RELN: variants seen among roughly 807,000 people sequenced by gnomAD.
RELN encodes the protein reelin.
Under a neutral mutation model 427.6 loss-of-function variants are expected in RELN, and 108 were observed. The observed-to-expected ratio is 0.25, with a 90% CI of 0.22 to 0.30. The LOEUF is 0.30. RELN is among the 10% of genes least tolerant of loss of function. The probability of loss-of-function intolerance (pLI) is 1.00; values close to 1 mark genes in which losing one functional copy is unlikely to be tolerated. For synonymous variants in RELN, 1,524 were observed against 1,513.4 expected (o/e 1.01, Z -0.16); for missense variants, 3,715 against 4,302.8 (o/e 0.86, Z 3.82).
intron 3 of RELN, among the ~76,000 whole-genome samples, chr7:103,798,143 A>C (rs369774489): frequency 6.6e-5 from 10 of 152,190 alleles, no homozygotes; most frequent in Non-Finnish European, 1.3e-4. Context: ...GCCTTTGCCA[A>C]ATAAATTCTG....
intron 2 of RELN, among the ~76,000 whole-genome samples, chr7:103,867,100 G>C (rs1794218219): frequency 6.6e-6 from 1 of 152,042 alleles, no homozygotes; most frequent in Non-Finnish European, 1.5e-5. Flanking sequence ...AATCATCACT[G>C]AATAGATGTT....
At chr7:103,986,278 C>T (rs1348894026) in intron 1 of RELN, among the ~76,000 whole-genome samples, 1 of 152,056 alleles carries the variant, frequency 6.6e-6, no homozygotes, top group South Asian at 2.1e-4. Flanking sequence ...TGAGAACACA[C>T]CAGATGTAAC....
At chr7:103,776,955 T>C (rs1217364186) in intron 3 of RELN, among the ~76,000 whole-genome samples, 1 of 152,234 alleles carries the variant, frequency 6.6e-6, no homozygotes, top group Non-Finnish European at 1.5e-5. Flanking sequence ...GCCTTTGATA[T>C]AAAATGTTTT....
At chr7:103,576,922 C>A (rs899525280) in intron 28 of RELN, among the ~76,000 whole-genome samples, 2 of 152,134 alleles carry the variant, frequency 1.3e-5, no homozygotes, top group Non-Finnish European at 2.9e-5. Flanking sequence ...TACATCTTTT[C>A]TTTTCCAACA....
chr7:103,862,409 T>TTCTTTCTA (rs1554432465), intron 2 of RELN, among the ~76,000 whole-genome samples: 4 of 144,840 alleles, frequency 2.8e-5, no homozygotes, highest in African/African-American at 5.2e-5. Flanking sequence ...TATGCTTTTG[T>TTCTTTCTA]TCTATCTATC....
intron 58 of RELN, 150 bp from the exon 59 acceptor site, chr7:103,490,979 A>C: frequency 1.4e-6 from 1 of 727,146 alleles, no homozygotes; most frequent in Non-Finnish European, 2.2e-6. Flanking sequence ...CAGATTATAA[A>C]AAAATTAAAA....
chr7:103,720,053 T>A (rs1790037288), intron 8 of RELN, among the ~76,000 whole-genome samples: 1 of 151,946 alleles, frequency 6.6e-6, no homozygotes, highest in African/African-American at 2.4e-5. Flanking sequence ...TGTATATGTA[T>A]ATATACACAA....
At chr7:103,807,134 G>A (rs1202874736) in intron 3 of RELN, among the ~76,000 whole-genome samples, 6 of 152,188 alleles carry the variant, frequency 3.9e-5, no homozygotes, top group Non-Finnish European at 8.8e-5. Context: ...CTTTAAAAAT[G>A]TGGATTGAAC....
intron 12 of RELN, among the ~76,000 whole-genome samples, chr7:103,656,954 A>T (rs919778650): frequency 2.0e-5 from 3 of 152,076 alleles, no homozygotes; most frequent in Non-Finnish European, 2.9e-5. Context: ...CATAGTCCCA[A>T]AGTAAAGCAT....
chr7:103,494,039 T>G (rs532011631), intron 57 of RELN, among the ~76,000 whole-genome samples: 2 of 152,240 alleles, frequency 1.3e-5, no homozygotes, highest in African/African-American at 4.8e-5. Context: ...ATAATACCTT[T>G]GATCTGGGCC....
rs182365917 is a variant in RELN, at chr7:103,942,988, G to T, written c.227-25803C>A. On this transcript the variant is annotated intron_variant, in intron 1 of 64. Coordinates refer to ENST00000428762, the MANE Select transcript of RELN (RefSeq NM_005045.4). ...TTTCTTAGTAAACAAACACCAACTA[G>T]GATTGTCTCAAGAATCAAAACTCAA... is the stretch of plus-strand genomic sequence containing the variant. 1.2e-3 allele frequency among the ~76,000 whole-genome samples: 190 copies of T among 152,180 alleles called. 1 individual carries two copies. Among genetic ancestry groups the T allele is most frequent in the African/African-American group, 4.3e-3 (179 of 41,518 alleles).
chr7:103,604,289 C>T, intron 23 of RELN, 57 bp downstream of exon 23: 2 of 1,606,352 alleles, frequency 1.2e-6, no homozygotes, highest in South Asian at 1.1e-5. Context: ...GCTGTGGTAT[C>T]CTCCAGCCAC....
chr7:103,715,097 C>A (rs547068240), intron 8 of RELN, among the ~76,000 whole-genome samples: 38 of 151,968 alleles, frequency 2.5e-4, no homozygotes, highest in African/African-American at 9.2e-4. Context: ...TCTGTTTTGC[C>A]CACCAAAAAA....
chr7:103,551,046 C>CGTCAA, intron 41 of RELN, 21 bp downstream of exon 41: 1 of 1,582,248 alleles, frequency 6.3e-7, no homozygotes, highest in Non-Finnish European at 8.7e-7. Flanking sequence ...ACAAATGTGG[C>CGTCAA]GTCAAGCAGC....
chr7:103,856,986 TA>T (rs1315392488), intron 2 of RELN, among the ~76,000 whole-genome samples: 10 of 152,194 alleles, frequency 6.6e-5, no homozygotes, highest in Non-Finnish European at 1.5e-4. Flanking sequence ...TAATGATCAT[TA>T]AATTTGTCAT....
intron 5 of RELN, among the ~76,000 whole-genome samples, chr7:103,750,806 A>C (rs1790980143): frequency 6.6e-6 from 1 of 152,200 alleles, no homozygotes; most frequent in South Asian, 2.1e-4. Flanking sequence ...AAATAAAATC[A>C]ATTTAGAAGT....
chr7:103,745,832 C>T (rs1790808749), intron 6 of RELN, among the ~76,000 whole-genome samples: 1 of 152,060 alleles, frequency 6.6e-6, no homozygotes, highest in African/African-American at 2.4e-5. Flanking sequence ...GTGAAAATGG[C>T]CATACTGCCC....
rs576728930 is a variant in RELN at position 103,804,690 on chromosome 7, T to C, written c.474-28063A>G. ...AGATCTAATAAACTAATGCATGTTATCACTAAGAAATAATGTAGAAAATAG... is the reference window on the plus strand; with the variant it reads ...AGATCTAATAAACTAATGCATGTTACCACTAAGAAATAATGTAGAAAATAG... On this transcript the variant is annotated intron_variant, in intron 3 of 64. Transcript: ENST00000428762. 1.7e-3 allele frequency among the ~76,000 whole-genome samples: 258 copies of C among 152,318 alleles called. 2 individuals are homozygous for C. Among genetic ancestry groups the C allele is most frequent in the Non-Finnish European group, 2.0e-3 (139 of 68,018 alleles).
At chr7:103,658,305 G>C (rs1004870308) in intron 12 of RELN, among the ~76,000 whole-genome samples, 1 of 152,112 alleles carries the variant, frequency 6.6e-6, no homozygotes, top group Non-Finnish European at 1.5e-5. Context: ...CTGAGAGGGA[G>C]AGACTGTGAT....
Sources: gnomAD v4.1 joint callset for allele counts (sites outside exome capture counted in the v4.1 genomes callset) on GRCh38, gnomAD v4.1.1 for gene constraint, MANE v1.5 for transcripts, NCBI Gene and HGNC (gene_info 2026-07-23, HGNC 2026-07-21) for gene names.